FBXL7: variants seen among roughly 807,000 people sequenced by gnomAD.
FBXL7 encodes F-box/LRR-repeat protein 7.
FBXL7 carries 12 observed loss-of-function variants against 38.3 expected under a neutral mutation model. That is an observed-to-expected ratio of 0.31 (90% CI 0.20 to 0.51). The LOEUF is 0.51. Ranked by LOEUF, FBXL7 falls within the 20% of genes least tolerant of loss-of-function variation. The probability of loss-of-function intolerance (pLI) is 0.98; values close to 1 mark genes in which losing one functional copy is unlikely to be tolerated. For synonymous variants in FBXL7, 297 were observed against 300.9 expected, an observed-to-expected ratio of 0.99 and a Z score of 0.13; for missense variants, 567 against 676.4, an observed-to-expected ratio of 0.84 and a Z score of 1.79.
chr5:15,586,388 T>C (rs1192981845), intron 1 of FBXL7, among the ~76,000 whole-genome samples: 1 of 149,326 alleles, frequency 6.7e-6, no homozygotes, highest in Non-Finnish European at 1.5e-5. Context: ...AATCTCTTTC[T>C]CAATATCTCT....
chr5:15,851,202 A>C (rs1409926352), intron 2 of FBXL7, among the ~76,000 whole-genome samples: 2 of 152,158 alleles, frequency 1.3e-5, no homozygotes, highest in African/African-American at 2.4e-5. Flanking sequence ...CAGCTTGTCT[A>C]TTTGGAGAGT....
intron 2 of FBXL7, among the ~76,000 whole-genome samples, chr5:15,773,738 C>A (rs1358567311): frequency 6.6e-6 from 1 of 152,006 alleles, no homozygotes; most frequent in African/African-American, 2.4e-5. Context: ...TACTGGATTG[C>A]TGCTGTTTAT....
chr5:15,686,462 C>A (rs1274083194), intron 2 of FBXL7, among the ~76,000 whole-genome samples: 4 of 152,182 alleles, frequency 2.6e-5, no homozygotes, highest in Non-Finnish European at 5.9e-5. Flanking sequence ...TTCCTGATCC[C>A]TCTATCTGAA....
intron 2 of FBXL7, among the ~76,000 whole-genome samples, chr5:15,657,174 A>T (rs1741912011): frequency 6.6e-6 from 1 of 152,206 alleles, no homozygotes; most frequent in Non-Finnish European, 1.5e-5. Flanking sequence ...TATAAATTTA[A>T]TGCAGTTCCA....
chr5:15,916,698 A>G (rs189457574), intron 2 of FBXL7, among the ~76,000 whole-genome samples: 11 of 152,316 alleles, frequency 7.2e-5, no homozygotes, highest in Non-Finnish European at 1.3e-4. Flanking sequence ...CACAATTACA[A>G]TATTCCTTTA....
At chr5:15,878,450 T>C (rs1274820785) in intron 2 of FBXL7, among the ~76,000 whole-genome samples, 1 of 152,176 alleles carries the variant, frequency 6.6e-6, no homozygotes, top group Non-Finnish European at 1.5e-5. Flanking sequence ...TGCATGAAGA[T>C]GGACCAGTGT....
intron 1 of FBXL7, among the ~76,000 whole-genome samples, chr5:15,608,009 T>C (rs762767110): frequency 6.6e-6 from 1 of 152,222 alleles, no homozygotes; most frequent in Non-Finnish European, 1.5e-5. Context: ...ATTGGTCAAA[T>C]AAACAAATAA....
rs1278099156 is a variant in FBXL7, at chr5:15,938,044, G to A, written c.*858G>A. 1.3e-5 allele frequency: 2 copies of A among 152,182 alleles called. No individual in the cohort carries two copies. Among genetic ancestry groups the A allele is most frequent in the Admixed American group, 1.3e-4 (2 of 15,276 alleles). The allele number at this position is 152,182 out of a possible 1,614,324, so 9.4% of individuals were successfully genotyped here. On this transcript the variant is annotated 3_prime_UTR_variant, in exon 4 of 4. Transcript: ENST00000504595. ...TGCAGTGCCAGCATCAGTGCATAAA[G>A]GGTCCTGTATGTCCTTTGGCTGCAA... is the stretch of plus-strand genomic sequence containing the variant.
intron 2 of FBXL7, among the ~76,000 whole-genome samples, chr5:15,806,424 G>GA (rs1012450184): frequency 4.3e-4 from 64 of 150,428 alleles, no homozygotes; most frequent in Non-Finnish European, 3.7e-4. Flanking sequence ...CCTATGGCCT[G>GA]AAAAAAAAAT....
intron 2 of FBXL7, among the ~76,000 whole-genome samples, chr5:15,695,560 G>A (rs1214255242): frequency 6.6e-6 from 1 of 152,158 alleles, no homozygotes; most frequent in Non-Finnish European, 1.5e-5. Context: ...GAACTAAAAT[G>A]CTGCACATCT....
intron 2 of FBXL7, among the ~76,000 whole-genome samples, chr5:15,889,934 C>T (rs1285242738): frequency 1.3e-5 from 2 of 152,144 alleles, no homozygotes; most frequent in African/African-American, 4.8e-5. Flanking sequence ...CCCAGGCTGA[C>T]TTAAAAAGTG....
intron 2 of FBXL7, among the ~76,000 whole-genome samples, chr5:15,705,272 T>G (rs1414676635): frequency 1.3e-5 from 2 of 152,238 alleles, no homozygotes; most frequent in Non-Finnish European, 2.9e-5. Context: ...TTTATCTTTG[T>G]TTACTGTTAT....
intron 1 of FBXL7, among the ~76,000 whole-genome samples, chr5:15,526,078 C>T (rs1038266173): frequency 1.3e-5 from 2 of 152,046 alleles, no homozygotes; most frequent in Non-Finnish European, 2.9e-5. Flanking sequence ...ATGAGGTCAT[C>T]TGCAATGGTA....
intron 2 of FBXL7, among the ~76,000 whole-genome samples, chr5:15,798,540 A>G (rs1737475127): frequency 6.6e-6 from 1 of 152,240 alleles, no homozygotes; most frequent in African/African-American, 2.4e-5. Context: ...ATGTAAAAGA[A>G]GTCTGTAGGA....
At chr5:15,512,758 G>C (rs982419008) in intron 1 of FBXL7, among the ~76,000 whole-genome samples, 1 of 152,090 alleles carries the variant, frequency 6.6e-6, no homozygotes, top group Non-Finnish European at 1.5e-5. Flanking sequence ...CAGTATTGTT[G>C]ACCTATTTTC....
At chr5:15,583,617 C>A (rs1055702904) in intron 1 of FBXL7, among the ~76,000 whole-genome samples, 11 of 152,344 alleles carry the variant, frequency 7.2e-5, no homozygotes, top group African/African-American at 2.4e-4. Context: ...CCAAAATGAT[C>A]TCCTTTGACT....
At chr5:15,896,517 G>T (rs1257560034) in intron 2 of FBXL7, among the ~76,000 whole-genome samples, 2 of 152,152 alleles carry the variant, frequency 1.3e-5, no homozygotes, top group Admixed American at 6.5e-5. Context: ...GTATATTGTG[G>T]CTCTGGCGGA....
chr5:15,726,691 AAAATAAATAAAT>A (rs55752648), intron 2 of FBXL7, among the ~76,000 whole-genome samples: 10 of 141,426 alleles, frequency 7.1e-5, no homozygotes, highest in South Asian at 2.4e-4. Flanking sequence ...ACTCCATCTC[AAAATAAATAAAT>A]AAATAAATAA....
intron 1 of FBXL7, among the ~76,000 whole-genome samples, chr5:15,526,591 G>A (rs551994068): frequency 1.3e-5 from 2 of 152,258 alleles, no homozygotes; most frequent in African/African-American, 2.4e-5. Flanking sequence ...CAGACTGGGG[G>A]TACTCAAAGG....
Sources: gnomAD v4.1 joint callset for allele counts (sites outside exome capture counted in the v4.1 genomes callset) on GRCh38, gnomAD v4.1.1 for gene constraint, MANE v1.5 for transcripts, NCBI Gene and HGNC (gene_info 2026-07-23, HGNC 2026-07-21) for gene names.